Variants in CAMK4 observed in about 807,000 individuals in gnomAD.
CAMK4 encodes the protein calcium/calmodulin dependent protein kinase IV, also known as calcium/calmodulin-dependent protein kinase type IV.
Under a neutral mutation model 44.9 loss-of-function variants are expected in CAMK4, and 22 were observed. The ratio of observed to expected loss-of-function variants is 0.49; its 90% confidence interval spans 0.35 to 0.70. The LOEUF (loss-of-function observed/expected upper bound fraction) is 0.70, where lower values mean the gene tolerates loss of function less well. CAMK4 is among the 30% of genes least tolerant of loss of function. CAMK4 has a pLI of 0.01. For missense variants in CAMK4, 498 were observed against 586.8 expected, an observed-to-expected ratio of 0.85 and a Z score of 1.56; for synonymous variants, 218 against 215.4, an observed-to-expected ratio of 1.01 and a Z score of -0.11.
chr5:111,434,227 A>G (rs1434506545), intron 5 of CAMK4, among the ~76,000 whole-genome samples: 8 of 148,816 alleles, frequency 5.4e-5, no homozygotes, highest in African/African-American at 7.4e-5. Flanking sequence ...TGGGAGGCGG[A>G]GGTTGCAGTG....
intron 2 of CAMK4, among the ~76,000 whole-genome samples, chr5:111,357,471 A>G (rs1750412315): frequency 1.3e-5 from 2 of 152,230 alleles, no homozygotes; most frequent in South Asian, 4.1e-4. Flanking sequence ...AACAGGGAAA[A>G]ATGTGTTAAT....
chr5:111,417,033 C>A (rs2112907554), intron 5 of CAMK4, among the ~76,000 whole-genome samples: 1 of 152,130 alleles, frequency 6.6e-6, no homozygotes, highest in South Asian at 2.1e-4. Flanking sequence ...ATATTGGATT[C>A]AATTTATCAA....
intron 4 of CAMK4, among the ~76,000 whole-genome samples, chr5:111,384,891 A>C (rs995227308): frequency 2.6e-5 from 4 of 151,810 alleles, no homozygotes; most frequent in Admixed American, 6.6e-5. Flanking sequence ...TAAACATGAC[A>C]AAAAAAAGCC....
In CAMK4 at chr5:111,459,639, A is replaced by C. The variant is rs924546164; in HGVS notation, c.625+10436A>C. On this transcript the variant is annotated intron_variant, in intron 7 of 10. Transcript: ENST00000282356. Reference sequence around the variant, plus strand: ...AATCGAATCTCAAGAGATTGTCCCCAGTGTCCTCTCCTGACTTCTCATGTT... The same window carrying C: ...AATCGAATCTCAAGAGATTGTCCCCCGTGTCCTCTCCTGACTTCTCATGTT... 2.0e-5 allele frequency among the ~76,000 whole-genome samples: 3 copies of C among 150,562 alleles called. No homozygotes were observed. The East Asian group carries it at 5.9e-4, about 29-fold the overall frequency.
intron 7 of CAMK4, among the ~76,000 whole-genome samples, chr5:111,465,390 A>T (rs903077281): frequency 1.3e-5 from 2 of 152,136 alleles, no homozygotes. Context: ...AAACCAAAAA[A>T]ATTACAAAAA....
chr5:111,334,302 A>G (rs1749302274), intron 1 of CAMK4, among the ~76,000 whole-genome samples: 1 of 151,578 alleles, frequency 6.6e-6, no homozygotes, highest in South Asian at 2.1e-4. Flanking sequence ...GCTTTCCTCC[A>G]GTTGTTTGTT....
At chr5:111,448,195 C>A (rs541257535) in intron 6 of CAMK4, among the ~76,000 whole-genome samples, 18 of 152,274 alleles carry the variant, frequency 1.2e-4, no homozygotes, top group African/African-American at 4.3e-4. Context: ...TTTCGATAAT[C>A]TTTTACCTAG....
upstream of CAMK4, chr5:111,223,699 A>G (rs1748028487): frequency 6.6e-6 from 1 of 152,286 alleles, no homozygotes; most frequent in South Asian, 2.1e-4. This position sits in a 1 kb window ranked among gnomAD's most constrained non-coding sequence, Gnocchi z 4.3. Flanking sequence ...TGAAGACTTC[A>G]CTCAAAGGTG....
chr5:111,427,642 G>A (rs941164672), intron 5 of CAMK4, among the ~76,000 whole-genome samples: 1 of 152,208 alleles, frequency 6.6e-6, no homozygotes, highest in Non-Finnish European at 1.5e-5. Context: ...GTGGCTATGG[G>A]CTGCTCTGCT....
chr5:111,471,886 C>T (rs912319224), intron 7 of CAMK4, among the ~76,000 whole-genome samples: 1 of 140,558 alleles, frequency 7.1e-6, no homozygotes, highest in Non-Finnish European at 1.6e-5. Context: ...CTCCAGAGCT[C>T]ACTTATTTAT....
At chr5:111,375,558 G>T (rs1751183528) in intron 3 of CAMK4, among the ~76,000 whole-genome samples, 1 of 152,172 alleles carries the variant, frequency 6.6e-6, no homozygotes, top group African/African-American at 2.4e-5. Context: ...TGAGGAAGTT[G>T]TGATGTCCAG....
chr5:111,321,554 T>C (rs908490890), intron 1 of CAMK4, among the ~76,000 whole-genome samples: 5 of 152,180 alleles, frequency 3.3e-5, no homozygotes, highest in African/African-American at 1.2e-4. Context: ...ATGAACTCTC[T>C]TCCATGTCTG....
chr5:111,413,992 A>G (rs764279314), intron 5 of CAMK4, among the ~76,000 whole-genome samples: 1 of 152,114 alleles, frequency 6.6e-6, no homozygotes, highest in Non-Finnish European at 1.5e-5. Flanking sequence ...GTCAACTAAA[A>G]TTATCTTTAA....
intron 7 of CAMK4, among the ~76,000 whole-genome samples, chr5:111,467,353 A>G (rs1358249110): frequency 1.3e-5 from 2 of 148,350 alleles, no homozygotes; most frequent in Non-Finnish European, 3.0e-5. Context: ...ACTTAATTAA[A>G]CTAAAAAGCT....
At chr5:111,330,698 G>C (rs1749129886) in intron 1 of CAMK4, among the ~76,000 whole-genome samples, 1 of 149,346 alleles carries the variant, frequency 6.7e-6, no homozygotes, top group Admixed American at 6.8e-5. Flanking sequence ...CATGGAGTTT[G>C]GTGTCAATAG....
At chr5:111,301,601 ACT>A (rs1355176253) in intron 1 of CAMK4, among the ~76,000 whole-genome samples, 1 of 152,118 alleles carries the variant, frequency 6.6e-6, no homozygotes, top group Non-Finnish European at 1.5e-5. Flanking sequence ...AATAAACATA[ACT>A]CTCATAGGGG....
chr5:111,323,607 G>T (rs1447253333), intron 1 of CAMK4, among the ~76,000 whole-genome samples: 1 of 151,734 alleles, frequency 6.6e-6, no homozygotes. Flanking sequence ...CACCTTCAAA[G>T]TTCCAGAGAA....
At chr5:111,392,593 A>T (rs1751841643) in intron 4 of CAMK4, among the ~76,000 whole-genome samples, 1 of 152,190 alleles carries the variant, frequency 6.6e-6, no homozygotes, top group South Asian at 2.1e-4. Context: ...ATGGAAAAAA[A>T]ATTAAAATTA....
At chr5:111,385,655 ACT>A (rs1443234730) in intron 4 of CAMK4, among the ~76,000 whole-genome samples, 1 of 151,178 alleles carries the variant, frequency 6.6e-6, no homozygotes, top group African/African-American at 2.4e-5. Flanking sequence ...CTCACTGCAA[ACT>A]CCACCTCCCG....
Sources: gnomAD v4.1 joint callset for allele counts (sites outside exome capture counted in the v4.1 genomes callset) on GRCh38, gnomAD v4.1.1 for gene constraint, Gnocchi (gnomAD v3.1) non-coding constraint, MANE v1.5 for transcripts, NCBI Gene and HGNC (gene_info 2026-07-23, HGNC 2026-07-21) for gene names.